The following SYNPO2 variants were observed in gnomAD, a reference collection of about 807,000 sequenced individuals.
The protein encoded by SYNPO2 is synaptopodin-2.
Under a neutral mutation model 85.0 loss-of-function variants are expected in SYNPO2, and 56 were observed. That is an observed-to-expected ratio of 0.66 (90% confidence interval 0.53 to 0.82). The LOEUF is 0.82. Among genes scored for constraint, SYNPO2 ranks in the 40% least tolerant of loss-of-function variants. The pLI is 0.00. For missense variants in SYNPO2, 1,575 were observed against 1,534.2 expected (o/e 1.03, Z -0.44); for synonymous variants, 602 against 591.1 (o/e 1.02, Z -0.27).
At chr4:118,868,396 G>A (rs973067520) in intron 1 of SYNPO2, among the ~76,000 whole-genome samples, 3 of 151,872 alleles carry the variant, frequency 2.0e-5, no homozygotes, top group Non-Finnish European at 4.4e-5. Flanking sequence ...TTTCATGTAG[G>A]TTAATGGATG....
intron 1 of SYNPO2, among the ~76,000 whole-genome samples, chr4:118,982,203 C>T (rs913939077): frequency 6.6e-6 from 1 of 151,492 alleles, no homozygotes; most frequent in African/African-American, 2.4e-5. Context: ...GAGGCAGGCG[C>T]GCTGTAAACC....
intron 1 of SYNPO2, among the ~76,000 whole-genome samples, chr4:118,939,130 C>T (rs777209069): frequency 6.6e-6 from 1 of 152,208 alleles, no homozygotes; most frequent in Non-Finnish European, 1.5e-5. Flanking sequence ...AAGCTGCATA[C>T]TCTCCTTGAC....
chr4:118,902,868 G>A (rs1732806349), intron 1 of SYNPO2, among the ~76,000 whole-genome samples: 1 of 151,936 alleles, frequency 6.6e-6, no homozygotes, highest in Non-Finnish European at 1.5e-5. Flanking sequence ...GTTTAACCTT[G>A]ACACCATACC....
Position 119,027,247 on chromosome 4 carries a change from G to A in SYNPO2, c.878G>A (p.Arg293Lys). 1 of 1,614,156 alleles carries A rather than the reference G, an allele frequency of 6.2e-7. No homozygotes were observed. The highest frequency in any genetic ancestry group is 1.1e-5 in the South Asian group (1 of 91,080). ...RVEVILDCSD[R>K]QKTEGCRLQA... Reference sequence around the variant, plus strand: ...GAAGTGATCCTCGACTGCTCTGACAGGCAGAAGACAGAAGGGTGCAGGCTT... The same window carrying A: ...GAAGTGATCCTCGACTGCTCTGACAAGCAGAAGACAGAAGGGTGCAGGCTT... Residue 293 changes from arginine to lysine, a missense_variant, in exon 3 of 5, where the codon AGG (arginine) becomes AAG (lysine). This residue lies in a region of SYNPO2 where 1,508 missense variants were observed against 1,446.8 expected (regional missense o/e 1.04). Transcript: ENST00000307142.
chr4:118,891,225 G>T (rs566349993), intron 1 of SYNPO2, among the ~76,000 whole-genome samples: 1 of 152,156 alleles, frequency 6.6e-6, no homozygotes, highest in Non-Finnish European at 1.5e-5. Flanking sequence ...CATTATTAAG[G>T]CATCTAGATG....
chr4:118,975,415 C>A (rs116316414), intron 1 of SYNPO2, among the ~76,000 whole-genome samples: 5 of 152,270 alleles, frequency 3.3e-5, no homozygotes, highest in African/African-American at 9.6e-5. Context: ...AATAGGCTGG[C>A]ATATGAATGA....
At chr4:118,851,089 C>T (rs1229303074) in intron 1 of SYNPO2, 11 of 397,142 alleles carry the variant, frequency 2.8e-5, no homozygotes, top group Admixed American at 4.4e-5. Flanking sequence ...TTTTAAAATC[C>T]TACTCACTTT....
chr4:118,931,899 C>T (rs920556686), intron 1 of SYNPO2, among the ~76,000 whole-genome samples: 5 of 152,314 alleles, frequency 3.3e-5, no homozygotes, highest in Admixed American at 1.3e-4. Flanking sequence ...CTCCTTACTA[C>T]GTCAGTCAGT....
At chr4:118,943,408 C>A (rs1235321615) in intron 1 of SYNPO2, among the ~76,000 whole-genome samples, 2 of 152,142 alleles carry the variant, frequency 1.3e-5, no homozygotes, top group East Asian at 1.9e-4. Context: ...GCATGAGAAC[C>A]AAAATCATAG....
At chr4:119,039,719 C>T (rs1738647082) in intron 4 of SYNPO2, among the ~76,000 whole-genome samples, 1 of 152,082 alleles carries the variant, frequency 6.6e-6, no homozygotes, top group African/African-American at 2.4e-5. Context: ...AAAGGAAGAA[C>T]AGAATAGTGA....
At chr4:118,865,509 A>G (rs1362075009) in intron 1 of SYNPO2, among the ~76,000 whole-genome samples, 1 of 152,218 alleles carries the variant, frequency 6.6e-6, no homozygotes, top group Non-Finnish European at 1.5e-5. Context: ...AGATGACAGA[A>G]TCAGGTTGGT....
At chr4:118,982,598 A>G (rs1405198024) in intron 1 of SYNPO2, among the ~76,000 whole-genome samples, 1 of 152,234 alleles carries the variant, frequency 6.6e-6, no homozygotes, top group African/African-American at 2.4e-5. Flanking sequence ...GGTTCCGCTC[A>G]TCTCTGATCC....
chr4:119,030,987 T>C lies in SYNPO2; in HGVS notation c.2212T>C (p.Leu738=), dbSNP rs1436259448. 30 of 1,614,116 alleles carry C rather than the reference T, an allele frequency of 1.9e-5. No individual in the cohort carries two copies. The highest frequency in any genetic ancestry group is 2.5e-5 in the Non-Finnish European group (30 of 1,180,022). Residue 738 remains leucine, a synonymous_variant, in exon 4 of 5, where the codon TTG becomes CTG. Transcript: ENST00000307142. The stretch of plus-strand genomic sequence containing the variant: ...CGGACCGGAAGAAGACTACCTCAGC[T>C]TGGGGGCAGAGGCTTGTAATTTCAT... ...DSGPEEDYLS[L]GAEACNFMQS...
intron 1 of SYNPO2, among the ~76,000 whole-genome samples, chr4:118,880,330 A>C (rs76228523): frequency 0.025 from 3,837 of 152,260 alleles, 68 homozygotes; most frequent in African/African-American, 0.04. Context: ...CTCCAAGTTC[A>C]TATGTTGAAG....
At chr4:119,013,589 C>T (rs11098471) in intron 1 of SYNPO2, among the ~76,000 whole-genome samples, 97,748 of 152,074 alleles carry the variant, frequency 0.64, 31,595 homozygotes, top group Middle Eastern at 0.7. Context: ...AAACAATGGA[C>T]GATATTTGAA....
Position 119,030,595 on chromosome 4 carries a change from G to T in SYNPO2, c.1820G>T (p.Arg607Leu). The T allele has an allele frequency of 6.2e-7, 1 of 1,614,006 alleles. No homozygotes were observed. The highest frequency in any genetic ancestry group is 1.3e-5 in the African/African-American group (1 of 74,986). The change falls in exon 4 of 5, where the codon CGA becomes CTA. Residue 607 changes from arginine to leucine, a missense_variant. Arg to Leu is a moderately radical substitution (Grantham distance 102). Around this residue, in one of 3 missense-constraint regions of SYNPO2, gnomAD observed 1,508 missense variants for 1,446.8 expected, o/e 1.04. Transcript: ENST00000307142. ...CCAGCTACCCCCTTCTCGCCAACCC[G>T]AAACATGACGAGTCCCATTGCTGAC... ...NQPATPFSPT[R>L]NMTSPIADFP...
intron 4 of SYNPO2, chr4:119,035,613 T>A: frequency 1.1e-5 from 11 of 985,390 alleles, no homozygotes; most frequent in Non-Finnish European, 1.3e-5. Context: ...TTGAATTAAC[T>A]GTTTTATTTA....
intron 1 of SYNPO2, among the ~76,000 whole-genome samples, chr4:118,998,728 A>G (rs77399382): frequency 0.083 from 12,671 of 152,166 alleles, 652 homozygotes; most frequent in East Asian, 0.12. Flanking sequence ...TGAAAAATAG[A>G]GGGTAGGTGT....
chr4:118,948,661 AAG>A (rs1734586725), intron 1 of SYNPO2, among the ~76,000 whole-genome samples: 1 of 152,060 alleles, frequency 6.6e-6, no homozygotes, highest in African/African-American at 2.4e-5. Flanking sequence ...GCGAAGGAAA[AAG>A]AGAGAGGAAA....
Sources: allele counts gnomAD v4.1 joint callset (sites outside exome capture counted in the v4.1 genomes callset), GRCh38; gene constraint gnomAD v4.1.1; regional missense constraint gnomAD v4.1.1; transcripts MANE v1.5; gene names NCBI Gene and HGNC (gene_info 2026-07-23, HGNC 2026-07-21).